The following EXOC4 variants were observed in gnomAD, a reference collection of about 807,000 sequenced individuals.
EXOC4 encodes the protein exocyst complex component 4, also known as SEC8-like 1.
A neutral mutation model predicts 107.2 loss-of-function variants in EXOC4; 71 were observed. That is an observed-to-expected ratio of 0.66 (90% CI 0.55 to 0.81). The LOEUF (loss-of-function observed/expected upper bound fraction) is 0.81. EXOC4 is among the 30% of genes least tolerant of loss of function. The pLI is 0.00. For synonymous variants in EXOC4, 456 were observed against 441.2 expected (o/e 1.03, Z -0.42); for missense variants, 1,108 against 1,189.6 (o/e 0.93, Z 1.01).
At chr7:133,722,838 G>T (rs939205011) in intron 10 of EXOC4, among the ~76,000 whole-genome samples, 1 of 152,154 alleles carries the variant, frequency 6.6e-6, no homozygotes, top group Non-Finnish European at 1.5e-5. Flanking sequence ...CGTAAATTCA[G>T]CTTCACAGAT....
chr7:133,532,176 C>T (rs1343246411), intron 9 of EXOC4, among the ~76,000 whole-genome samples: 1 of 151,894 alleles, frequency 6.6e-6, no homozygotes, highest in African/African-American at 2.4e-5. Context: ...CAGTCTGTAC[C>T]CAATACTTAC....
chr7:133,609,162 T>A (rs1389045150), intron 9 of EXOC4, among the ~76,000 whole-genome samples: 1 of 152,212 alleles, frequency 6.6e-6, no homozygotes, highest in Admixed American at 6.5e-5. Context: ...TGTGGGGAAC[T>A]GTAATTATAC....
At chr7:133,858,100 C>A (rs1257152053) in intron 11 of EXOC4, among the ~76,000 whole-genome samples, 2 of 152,102 alleles carry the variant, frequency 1.3e-5, no homozygotes, top group Non-Finnish European at 2.9e-5. Context: ...AGGAGCATGT[C>A]ATCGTCCGCA....
chr7:133,602,860 A>G (rs1189448329), intron 9 of EXOC4, among the ~76,000 whole-genome samples: 2 of 152,212 alleles, frequency 1.3e-5, no homozygotes, highest in Non-Finnish European at 2.9e-5. Flanking sequence ...GCCAATGGGA[A>G]ATGGAAAATG....
chr7:133,606,449 G>C (rs539814892), intron 9 of EXOC4, among the ~76,000 whole-genome samples: 26 of 151,804 alleles, frequency 1.7e-4, no homozygotes, highest in South Asian at 8.4e-4. Flanking sequence ...AGAGCAGTTA[G>C]AATTAAACAC....
chr7:133,624,828 G>A (rs796568882), intron 9 of EXOC4, among the ~76,000 whole-genome samples: 6 of 151,662 alleles, frequency 4.0e-5, no homozygotes, highest in African/African-American at 1.2e-4. Flanking sequence ...CCTGACCTCA[G>A]GTAATCTGCC....
chr7:133,502,175 A>G (rs887628558), intron 9 of EXOC4, among the ~76,000 whole-genome samples: 4 of 152,140 alleles, frequency 2.6e-5, no homozygotes, highest in Admixed American at 1.3e-4. Context: ...TGTAAAAAAA[A>G]AGAAAAAAGA....
intron 10 of EXOC4, among the ~76,000 whole-genome samples, chr7:133,676,154 G>A (rs747539016): frequency 5.9e-5 from 9 of 151,952 alleles, no homozygotes; most frequent in East Asian, 3.9e-4. Flanking sequence ...TTGAGTGCCC[G>A]TTATGTACCA....
At chr7:133,451,601 T>A (rs1171773064) in intron 7 of EXOC4, among the ~76,000 whole-genome samples, 1 of 152,164 alleles carries the variant, frequency 6.6e-6, no homozygotes, top group African/African-American at 2.4e-5. Context: ...TCTCTTCTAT[T>A]TGTATATTTT....
At chr7:134,013,004 G>T (rs778035720) in intron 17 of EXOC4, among the ~76,000 whole-genome samples, 2 of 152,186 alleles carry the variant, frequency 1.3e-5, no homozygotes, top group Non-Finnish European at 2.9e-5. Context: ...AAATGCTTTG[G>T]TTTGCATTCC....
intron 10 of EXOC4, among the ~76,000 whole-genome samples, chr7:133,801,217 T>G (rs1032501961): frequency 2.0e-5 from 3 of 152,194 alleles, no homozygotes; most frequent in Non-Finnish European, 4.4e-5. Flanking sequence ...TTTTAATTCA[T>G]TTTCTCTCAC....
intron 16 of EXOC4, among the ~76,000 whole-genome samples, chr7:134,005,421 T>G (rs1794623499): frequency 6.6e-6 from 1 of 152,074 alleles, no homozygotes; most frequent in Non-Finnish European, 1.5e-5. Flanking sequence ...AAAACACACA[T>G]ACACAATGAG....
intron 10 of EXOC4, among the ~76,000 whole-genome samples, chr7:133,738,062 C>T (rs1054931284): frequency 1.3e-4 from 19 of 151,676 alleles, no homozygotes; most frequent in African/African-American, 4.4e-4. Flanking sequence ...TAGGTGCACC[C>T]CATCATGCCA....
At chr7:133,860,820 C>T (rs1329925604) in intron 11 of EXOC4, among the ~76,000 whole-genome samples, 1 of 152,180 alleles carries the variant, frequency 6.6e-6, no homozygotes, top group African/African-American at 2.4e-5. Context: ...TGCATGATGT[C>T]ATGATCTACC....
chr7:133,738,766 A>C (rs1313345266), intron 10 of EXOC4, among the ~76,000 whole-genome samples: 1 of 152,220 alleles, frequency 6.6e-6, no homozygotes, highest in Non-Finnish European at 1.5e-5. Context: ...GATACTGCAG[A>C]AAGGAGCTTG....
chr7:134,012,926 A>T (rs934770184), intron 17 of EXOC4, among the ~76,000 whole-genome samples: 2 of 152,180 alleles, frequency 1.3e-5, no homozygotes, highest in African/African-American at 2.4e-5. Context: ...TCTGTGTCAA[A>T]TGCTGTTGAT....
chr7:133,768,794 T>G (rs1585132132), intron 10 of EXOC4, among the ~76,000 whole-genome samples: 1 of 151,956 alleles, frequency 6.6e-6, no homozygotes, highest in East Asian at 1.9e-4. Context: ...GGCATGGCCC[T>G]TCTTCTCAGA....
chr7:133,409,720 C>G (rs1056436384), intron 7 of EXOC4, among the ~76,000 whole-genome samples: 10 of 152,044 alleles, frequency 6.6e-5, no homozygotes, highest in Admixed American at 6.6e-4. Context: ...TTTTAATTGC[C>G]CTCGGGATCT....
Position 133,306,026 on chromosome 7 carries a change from A to C in EXOC4, c.621A>C (p.Arg207=). The part of the protein sequence containing the change: ...HRHLYIKSTS[R]VVQRNKEKGK... ...ACCTGTACATCAAATCGACTAGCCG[A>C]GTTGTGCAGCGTAACAAGGAAAAAG... Residue 207 remains arginine, a synonymous_variant, in exon 4 of 18, where the codon CGA becomes CGC. Transcript: ENST00000253861. 1 of 1,613,522 alleles carries C rather than the reference A, an allele frequency of 6.2e-7. No homozygotes were observed. Among genetic ancestry groups the C allele is most frequent in the Non-Finnish European group, 8.5e-7 (1 of 1,179,736 alleles).
Sources: allele counts gnomAD v4.1 joint callset (sites outside exome capture counted in the v4.1 genomes callset), GRCh38; gene constraint gnomAD v4.1.1; transcripts MANE v1.5; gene names NCBI Gene and HGNC (gene_info 2026-07-23, HGNC 2026-07-21).